Variants in SETDB2 observed in about 807,000 individuals in gnomAD.
The protein encoded by SETDB2 is SET domain bifurcated histone lysine methyltransferase 2.
SETDB2 carries 56 observed loss-of-function variants against 82.5 expected under a neutral mutation model. The observed-to-expected ratio is 0.68, with a 90% confidence interval of 0.55 to 0.85. The LOEUF (loss-of-function observed/expected upper bound fraction) is 0.85, where lower values mean the gene tolerates loss of function less well. Among genes scored for constraint, SETDB2 ranks in the 40% least tolerant of loss-of-function variants. The pLI, the probability that SETDB2 is intolerant of heterozygous loss-of-function variation, is 0.00. For synonymous variants in SETDB2, 272 were observed against 284.9 expected (o/e 0.95, Z 0.46); for missense variants, 677 against 816.4 (o/e 0.83, Z 2.08).
In SETDB2 at chr13:49,488,429, T is replaced by C; in HGVS notation, c.1716T>C (p.Asn572=). 2 of 1,614,072 alleles carry C rather than the reference T, an allele frequency of 1.2e-6. No individual in the cohort carries two copies. The highest frequency in any genetic ancestry group is 1.7e-6 in the Non-Finnish European group (2 of 1,179,994). ...CNQATTLDNQ[N]IKKAIEVQIQ... Reference sequence around the variant, plus strand: ...AGGCGACCACATTGGATAATCAGAATATTAAAAAGGCAATTGAGGTTCAAA... The same window carrying C: ...AGGCGACCACATTGGATAATCAGAACATTAAAAAGGCAATTGAGGTTCAAA... The change falls in exon 12 of 14, where the codon AAT becomes AAC. Residue 572 remains asparagine (N), a synonymous_variant. Transcript: ENST00000611815.
intron 6 of SETDB2, among the ~76,000 whole-genome samples, chr13:49,478,672 A>G (rs1958419532): frequency 6.6e-6 from 1 of 152,194 alleles, no homozygotes; most frequent in African/African-American, 2.4e-5. Flanking sequence ...CATACCTGTA[A>G]TCCTAGCACT....
Position 49,476,744 on chromosome 13 carries a change from G to A in SETDB2, c.574G>A (p.Glu192Lys). The change falls in exon 6 of 14, where the codon GAA becomes AAA. Residue 192 changes from glutamate to lysine, a missense_variant. Physicochemically the swap from Glu to Lys is moderately conservative, Grantham distance 56. Coordinates refer to ENST00000611815, the MANE Select transcript of SETDB2 (RefSeq NM_001160308.3). ...TGGAAGGAGTCTACGAAACGTGGAGGAAGTTTTTCGTTACCTGCTTGAGAC... is the reference window on the plus strand; with the variant it reads ...TGGAAGGAGTCTACGAAACGTGGAGAAAGTTTTTCGTTACCTGCTTGAGAC... Reference protein sequence around the residue: ...PCGRSLRNVEEVFRYLLETEC... With the variant: ...PCGRSLRNVEKVFRYLLETEC... The A allele has an allele frequency of 6.2e-7, 1 of 1,614,196 alleles. No individual in the cohort carries two copies. Among genetic ancestry groups the A allele is most frequent in the Non-Finnish European group, 8.5e-7 (1 of 1,180,032 alleles).
chr13:49,453,890 TTATA>T (rs1310306292), intron 2 of SETDB2, among the ~76,000 whole-genome samples: 1 of 151,892 alleles, frequency 6.6e-6, no homozygotes, highest in Non-Finnish European at 1.5e-5. Context: ...ATATACTAAC[TTATA>T]TATACACAAC....
intron 2 of SETDB2, among the ~76,000 whole-genome samples, chr13:49,455,130 C>T (rs142857057): frequency 2.3e-3 from 343 of 152,234 alleles, no homozygotes; most frequent in African/African-American, 8.0e-3. Context: ...TCTTTAATAA[C>T]TGGCTTATTA....
chr13:49,469,649 G>A (rs1958187420), intron 5 of SETDB2, among the ~76,000 whole-genome samples: 1 of 151,890 alleles, frequency 6.6e-6, no homozygotes, highest in Non-Finnish European at 1.5e-5. Context: ...TAGAACTTGA[G>A]GATAAGTGGT....
chr13:49,457,912 A>T (rs906622238), intron 2 of SETDB2, among the ~76,000 whole-genome samples: 1 of 152,194 alleles, frequency 6.6e-6, no homozygotes, highest in Non-Finnish European at 1.5e-5. Flanking sequence ...ATACATCTCA[A>T]TGTCCACCTC....
chr13:49,464,103 G>A, intron 4 of SETDB2: 2 of 769,174 alleles, frequency 2.6e-6, no homozygotes, highest in Non-Finnish European at 4.9e-6. Flanking sequence ...TGAAAGGGAG[G>A]AGCAGAGGGG....
chr13:49,490,555 A>G (rs908743533), intron 12 of SETDB2, among the ~76,000 whole-genome samples: 1 of 152,184 alleles, frequency 6.6e-6, no homozygotes, highest in Non-Finnish European at 1.5e-5. Context: ...CAAAAGACAA[A>G]TGCATTTATA....
intron 7 of SETDB2, 82 bp from the exon 8 acceptor site, chr13:49,480,865 C>T: frequency 6.9e-7 from 1 of 1,446,666 alleles, no homozygotes. Context: ...CTGCTTCCCT[C>T]AGTAGTTATC....
Position 49,476,485 on chromosome 13 carries a change from A to G in SETDB2, c.315A>G (p.Glu105=), listed in dbSNP as rs1594165484. Residue 105 remains glutamate, a synonymous_variant, in exon 6 of 14, where the codon GAA becomes GAG. Coordinates refer to ENST00000611815, the MANE Select transcript of SETDB2 (RefSeq NM_001160308.3). ...FPEDCTFLTT[E]NKEILSLEDK... is the part of the protein sequence containing the mutation. Reference sequence around the variant, plus strand: ...TAATTTATTTTAACAGAACAACAGAAAATAAGGAAATTCTCTCTCTTGAAG... The same window carrying G: ...TAATTTATTTTAACAGAACAACAGAGAATAAGGAAATTCTCTCTCTTGAAG... 6.4e-7 allele frequency: 1 copy of G among 1,564,684 alleles called. No individual in the cohort carries two copies. The highest frequency in any genetic ancestry group is 8.7e-7 in the Non-Finnish European group (1 of 1,153,812).
chr13:49,478,981 AAAGTT>A (rs1400288961), intron 6 of SETDB2, among the ~76,000 whole-genome samples: 4 of 152,182 alleles, frequency 2.6e-5, no homozygotes, highest in African/African-American at 9.7e-5. Flanking sequence ...ATCCAGTAGA[AAAGTT>A]AAAAGGAATT....
intron 1 of SETDB2, among the ~76,000 whole-genome samples, chr13:49,446,177 A>G (rs1006152072): frequency 2.0e-5 from 3 of 152,174 alleles, no homozygotes; most frequent in Non-Finnish European, 4.4e-5. Flanking sequence ...TCCTTTTTGA[A>G]CATTTATATA....
chr13:49,464,146 A>G (rs1472508525), intron 4 of SETDB2: 3 of 737,752 alleles, frequency 4.1e-6, no homozygotes, highest in African/African-American at 3.4e-5. Context: ...TTCAAAGATA[A>G]ATGGGTCCTA....
intron 2 of SETDB2, among the ~76,000 whole-genome samples, chr13:49,454,733 A>T (rs977554008): frequency 1.4e-4 from 22 of 152,226 alleles, no homozygotes; most frequent in African/African-American, 5.3e-4. Context: ...TTACAACTGC[A>T]TAATGTCATG....
At chr13:49,478,905 C>A in intron 6 of SETDB2, among the ~76,000 whole-genome samples, 1 of 152,062 alleles carries the variant, frequency 6.6e-6, no homozygotes, top group East Asian at 1.9e-4. Flanking sequence ...CCAGCCTGGG[C>A]AACAGAGTGA....
In SETDB2 at chr13:49,488,805, C is replaced by G. The variant is rs569104685; in HGVS notation, c.1917+175C>G. On this transcript the variant is annotated intron_variant, in intron 12 of 13. Coordinates refer to ENST00000611815, the MANE Select transcript of SETDB2 (RefSeq NM_001160308.3). ...TGACCTCTGATACCTCATTTTCTAC[C>G]TCTGTAATACAGGGATAAATGATAA... Among the ~76,000 whole-genome samples, 3 of 152,288 alleles carry G rather than the reference C, an allele frequency of 2.0e-5. No individual in the cohort carries two copies. In the East Asian group the frequency reaches 5.8e-4, roughly 29 times the overall value.
chr13:49,482,044 A>G (rs1404075480), intron 8 of SETDB2: 35 of 985,112 alleles, frequency 3.6e-5, no homozygotes, highest in Non-Finnish European at 4.1e-5. Context: ...CACATTCTAC[A>G]CATCCTGCCT....
At position 49,455,596 on chromosome 13, in the gene SETDB2, C is replaced by T. The variant is rs921316097; in HGVS notation, c.16+3687C>T. On this transcript the variant is annotated intron_variant, in intron 2 of 13. Coordinates refer to ENST00000611815, the MANE Select transcript of SETDB2 (RefSeq NM_001160308.3). ...TCAGAAACTTTCAGGTTTGCCATGG[C>T]AGATACAAGGTTTTCAAAATTCTCA... is the stretch of plus-strand genomic sequence containing the variant. Among the ~76,000 whole-genome samples the T allele has an allele frequency of 5.9e-4, 90 of 152,142 alleles. 1 individual carries two copies. Among genetic ancestry groups the T allele is most frequent in the African/African-American group, 2.0e-3 (85 of 41,532 alleles).
At chr13:49,471,943 T>A (rs1290870507) in intron 5 of SETDB2, among the ~76,000 whole-genome samples, 45 of 146,008 alleles carry the variant, frequency 3.1e-4, no homozygotes, top group East Asian at 5.9e-4. Flanking sequence ...TATTTTTTTT[T>A]TTTTTTAAAT....
Sources: allele counts gnomAD v4.1 joint callset (sites outside exome capture counted in the v4.1 genomes callset), GRCh38; gene constraint gnomAD v4.1.1; transcripts MANE v1.5; gene names NCBI Gene and HGNC (gene_info 2026-07-23, HGNC 2026-07-21).